The following OTUD7A variants were observed in gnomAD, a reference collection of about 807,000 sequenced individuals.
The protein encoded by OTUD7A is OTU domain-containing protein 7A.
A neutral mutation model predicts 65.7 loss-of-function variants in OTUD7A; 12 were observed. The observed-to-expected ratio is 0.18, with a 90% CI of 0.12 to 0.30. The LOEUF (loss-of-function observed/expected upper bound fraction) is 0.30. OTUD7A is among the 10% of genes least tolerant of loss of function. OTUD7A has a pLI of 1.00. For missense variants in OTUD7A, 1,148 were observed against 1,304.8 expected, an observed-to-expected ratio of 0.88 and a Z score of 1.85; for synonymous variants, 641 against 586.3, an observed-to-expected ratio of 1.09 and a Z score of -1.35.
intron 1 of OTUD7A, among the ~76,000 whole-genome samples, chr15:31,854,520 A>G (rs1326645219): frequency 1.3e-5 from 2 of 152,018 alleles, no homozygotes; most frequent in Non-Finnish European, 1.5e-5. Flanking sequence ...CCCACCTCCA[A>G]TGATGTCAGG....
In OTUD7A at chr15:31,482,199, G is replaced by A. The variant is rs2041132581; in HGVS notation, c.*1095C>T. ...CTCCCTCATTGTGTCACGAGACGGA[G>A]GCAGGGTCGTCCTGCCCCGTGGAGG... is the stretch of plus-strand genomic sequence containing the variant. On this transcript the variant is annotated 3_prime_UTR_variant, in exon 13 of 13. Transcript: ENST00000307050. 6.6e-6 allele frequency: 1 copy of A among 152,214 alleles called. No individual in the cohort carries two copies. Among genetic ancestry groups the A allele is most frequent in the African/African-American group, 2.4e-5 (1 of 41,458 alleles). The allele number at this position is 152,214 out of a possible 1,614,324, so 9.4% of individuals were successfully genotyped here. A position where few individuals can be genotyped will look rare whatever the true frequency, so the allele number is the denominator to read the frequency against.
At position 31,483,760 on chromosome 15, in the gene OTUD7A, A is replaced by G. The variant is rs2041178031; in HGVS notation, c.2336T>C (p.Ile779Thr). The change falls in exon 13 of 13, where the codon ATC becomes ACC. Residue 779 changes from isoleucine (I) to threonine (T), a missense_variant. By Grantham distance (89) the Ile-to-Thr change is moderately conservative. Coordinates refer to ENST00000307050, the MANE Select transcript of OTUD7A (RefSeq NM_001382637.1). ...CCGCGCGCCCGACGCCTGCACGTGG[A>G]TGACGCTCTGGCGCGCTGGCGCCGG... ...SPPAPARQSV[I>T]HVQASGARDE... 1 of 1,082,436 alleles carries G rather than the reference A, an allele frequency of 9.2e-7. No individual in the cohort carries two copies. The highest frequency in any genetic ancestry group is 1.1e-6 in the Non-Finnish European group (1 of 895,544). 67.1% of individuals were successfully genotyped at this position (1,082,436 alleles called of 1,614,324 possible).
chr15:31,555,493 G>T (rs1054213860), intron 5 of OTUD7A, among the ~76,000 whole-genome samples: 2 of 152,146 alleles, frequency 1.3e-5, no homozygotes, highest in Non-Finnish European at 2.9e-5. Flanking sequence ...TTCTTGGATG[G>T]CCACTTCATG....
intron 3 of OTUD7A, among the ~76,000 whole-genome samples, chr15:31,597,819 T>C (rs1889951341): frequency 6.6e-6 from 1 of 152,046 alleles, no homozygotes; most frequent in African/African-American, 2.4e-5. Context: ...GTCTGAAAAG[T>C]AGAAGCAGTG....
At chr15:31,539,159 C>T (rs1163294209) in intron 5 of OTUD7A, among the ~76,000 whole-genome samples, 1 of 152,066 alleles carries the variant, frequency 6.6e-6, no homozygotes, top group Non-Finnish European at 1.5e-5. Context: ...GAGCAAGTGC[C>T]TCAAATCCAT....
At chr15:31,618,022 TGCG>T (rs906892227) in intron 3 of OTUD7A, among the ~76,000 whole-genome samples, 6 of 151,494 alleles carry the variant, frequency 4.0e-5, no homozygotes, top group African/African-American at 7.3e-5. Flanking sequence ...AGTGAGAACA[TGCG>T]GTGTTTGGTT....
chr15:31,553,838 T>C (rs1260234437), intron 5 of OTUD7A, among the ~76,000 whole-genome samples: 1 of 152,072 alleles, frequency 6.6e-6, no homozygotes, highest in Non-Finnish European at 1.5e-5. Context: ...TCCCTGCTCT[T>C]CCAGCTTCTT....
In OTUD7A at chr15:31,792,390, C is replaced by T. The variant is rs577760869; in HGVS notation, c.-100+78117G>A. On this transcript the variant is annotated intron_variant, in intron 1 of 12. Coordinates refer to ENST00000307050, the MANE Select transcript of OTUD7A (RefSeq NM_001382637.1). ...TTGGGCCAAAACCCATACTCCATGG[C>T]CAGGCTCACAGGACCTCCACCTGCT... Among the ~76,000 whole-genome samples the T allele has an allele frequency of 4.1e-4, 62 of 152,300 alleles. 1 individual carries two copies. In the Middle Eastern group the frequency reaches 0.01, roughly 25 times the overall value.
At chr15:31,676,212 G>T (rs1370345447) in intron 1 of OTUD7A, among the ~76,000 whole-genome samples, 1 of 152,226 alleles carries the variant, frequency 6.6e-6, no homozygotes, top group Admixed American at 6.5e-5. Context: ...AAGAGAGAGA[G>T]AATTTGGTAG....
intron 1 of OTUD7A, among the ~76,000 whole-genome samples, chr15:31,771,343 C>T (rs1223286411): frequency 6.6e-6 from 1 of 152,126 alleles, no homozygotes; most frequent in African/African-American, 2.4e-5. Context: ...CTTAATATGC[C>T]AGATAGAAAT....
rs984039092 is a variant in OTUD7A at position 31,475,772 on chromosome 15, G to A, written c.*7522C>T. 1 of 152,168 alleles carries A rather than the reference G, an allele frequency of 6.6e-6. No homozygotes were observed. 9.4% of individuals were successfully genotyped at this position (152,168 alleles called of 1,614,324 possible). A position where few individuals can be genotyped will look rare whatever the true frequency, so the allele number is the denominator to read the frequency against. ...GTAGAAAGGGGTTCTGCACAACTGG[G>A]TCAAAGTAATGTGATTGACGACCTA... is the stretch of plus-strand genomic sequence containing the variant. On this transcript the variant is annotated 3_prime_UTR_variant, in exon 13 of 13. Coordinates refer to ENST00000307050, the MANE Select transcript of OTUD7A (RefSeq NM_001382637.1).
rs138170446 is a variant in OTUD7A, at chr15:31,730,823, C to A, written c.-99-73746G>T. On this transcript the variant is annotated intron_variant, in intron 1 of 12. Transcript: ENST00000307050. ...GAGCCCACGGCCAATACAGAGTGAG[C>A]CCCACATGGTCTACAGGAGGTCAGT... Among the ~76,000 whole-genome samples the A allele has an allele frequency of 2.0e-3, 309 of 152,312 alleles. 1 individual carries two copies. Among genetic ancestry groups the A allele is most frequent in the African/African-American group, 7.2e-3 (298 of 41,550 alleles).
intron 10 of OTUD7A, among the ~76,000 whole-genome samples, chr15:31,491,978 G>T (rs2041322593): frequency 6.6e-6 from 1 of 152,160 alleles, no homozygotes; most frequent in South Asian, 2.1e-4. Context: ...GCAAATCATT[G>T]CCAGCAGACC....
At chr15:31,492,111 T>C (rs564470159) in intron 10 of OTUD7A, among the ~76,000 whole-genome samples, 1 of 152,348 alleles carries the variant, frequency 6.6e-6, no homozygotes, top group East Asian at 1.9e-4. Flanking sequence ...TTCTTTTTAA[T>C]TGCTCTAACA....
rs146845777 is a variant in OTUD7A, at chr15:31,522,182, G to C, written c.893+4167C>G. On this transcript the variant is annotated intron_variant, in intron 8 of 12. Transcript: ENST00000307050. ...GCATGTGTCTGTGAGGGCATTTTGG[G>C]TGAGATTAGCATTTGAATTGCTGGA... is the stretch of plus-strand genomic sequence containing the variant. 3.3e-3 allele frequency among the ~76,000 whole-genome samples: 505 copies of C among 152,332 alleles called. 2 individuals carry two copies. Among genetic ancestry groups the C allele is most frequent in the African/African-American group, 0.011 (475 of 41,570 alleles).
intron 1 of OTUD7A, among the ~76,000 whole-genome samples, chr15:31,777,717 T>C (rs374638107): frequency 3.9e-5 from 6 of 152,288 alleles, no homozygotes; most frequent in African/African-American, 7.2e-5. Flanking sequence ...AGAGATCTCA[T>C]GGCAGCCCCT....
intron 5 of OTUD7A, among the ~76,000 whole-genome samples, chr15:31,541,014 G>A (rs1887971540): frequency 6.6e-6 from 1 of 152,176 alleles, no homozygotes; most frequent in Non-Finnish European, 1.5e-5. Flanking sequence ...TTTTATAGAA[G>A]CATAGGGAGA....
chr15:31,567,268 T>G (rs1299508411), intron 4 of OTUD7A, among the ~76,000 whole-genome samples: 2 of 152,240 alleles, frequency 1.3e-5, no homozygotes, highest in Non-Finnish European at 1.5e-5. Flanking sequence ...GTGTTTTGCC[T>G]TAGCAAAGAG....
intron 3 of OTUD7A, among the ~76,000 whole-genome samples, chr15:31,639,166 G>A (rs1891437402): frequency 6.6e-6 from 1 of 151,748 alleles, no homozygotes; most frequent in South Asian, 2.1e-4. Flanking sequence ...GCTCACTGCT[G>A]CCCTCAGCCC....
Sources: allele counts gnomAD v4.1 joint callset (sites outside exome capture counted in the v4.1 genomes callset), GRCh38; gene constraint gnomAD v4.1.1; transcripts MANE v1.5; gene names NCBI Gene and HGNC (gene_info 2026-07-23, HGNC 2026-07-21).